The following CDC42EP2 variants were observed in gnomAD, a reference collection of about 807,000 sequenced individuals.
The protein encoded by CDC42EP2 is CDC42 effector protein 2.
Under a neutral mutation model 7.3 loss-of-function variants are expected in CDC42EP2, and 5 were observed. The observed-to-expected ratio is 0.68, with a 90% CI of 0.36 to 1.44. The LOEUF (loss-of-function observed/expected upper bound fraction) is 1.44. Ranked by LOEUF, CDC42EP2 falls within the 40% of genes most tolerant of loss-of-function variation. The pLI is 0.04. For missense variants in CDC42EP2, 251 were observed against 282.6 expected, an observed-to-expected ratio of 0.89 and a Z score of 0.80; for synonymous variants, 113 against 123.6, an observed-to-expected ratio of 0.91 and a Z score of 0.57.
Position 65,321,662 on chromosome 11 carries a change from T to A in CDC42EP2, c.*131T>A. On this transcript the variant is annotated 3_prime_UTR_variant, in exon 2 of 2. Transcript: ENST00000279249. The surrounding 1 kb of genome is among the most constrained non-coding windows in gnomAD (Gnocchi z 4.4). ...GGTCGCTGGCCAGTGATTCTCCTTC[T>A]GAGCCGTGTTTCCCCTCTCCCTCCC... The A allele has an allele frequency of 1.2e-6, 1 of 846,240 alleles. No individual in the cohort carries two copies. 52.4% of individuals were successfully genotyped at this position (846,240 alleles called of 1,614,324 possible).
In CDC42EP2 at chr11:65,320,524, G is replaced by A. The variant is rs1949968506; in HGVS notation, c.-355-20G>A. 4.4e-6 allele frequency: 1 copy of A among 225,978 alleles called. No homozygotes were observed. Among genetic ancestry groups the A allele is most frequent in the Non-Finnish European group, 8.9e-6 (1 of 112,716 alleles). The allele number at this position is 225,978 out of a possible 1,614,324, so 14.0% of individuals were successfully genotyped here. ...CTTGGTCCCGCTGTCTCTGACAGGT[G>A]TGCACCCTTTGTGTTTCAGCTCCTC... On this transcript the variant is annotated intron_variant, in intron 1 of 1. Transcript: ENST00000279249.
Position 65,321,229 on chromosome 11 carries a change from C to T in CDC42EP2, c.331C>T (p.Pro111Ser). ...SPLLKNAISL[P>S]VIGGPQALTL... Reference sequence around the variant, plus strand: ...TCTGCTCAAGAACGCCATCTCCCTCCCGGTTATCGGTGGACCCCAGGCTCT... The same window carrying T: ...TCTGCTCAAGAACGCCATCTCCCTCTCGGTTATCGGTGGACCCCAGGCTCT... The change falls in exon 2 of 2, where the codon CCG becomes TCG. Residue 111 changes from proline (P) to serine (S), a missense_variant. Pro to Ser is a moderately conservative substitution (Grantham distance 74). Coordinates refer to ENST00000279249, the MANE Select transcript of CDC42EP2 (RefSeq NM_006779.4). This position sits in a 1 kb window ranked among gnomAD's most constrained non-coding sequence, Gnocchi z 4.4. 6.2e-7 allele frequency: 1 copy of T among 1,613,986 alleles called. No individual in the cohort carries two copies. The highest frequency in any genetic ancestry group is 2.2e-5 in the East Asian group (1 of 44,874).
At chr11:65,320,238 G>A (rs1396645559) in intron 1 of CDC42EP2, among the ~76,000 whole-genome samples, 32 of 152,026 alleles carry the variant, frequency 2.1e-4, no homozygotes, top group Non-Finnish European at 1.5e-5. Context: ...AGGCCGAGGC[G>A]GGCGGATCAT....
At chr11:65,319,363 C>T (rs766266756) in intron 1 of CDC42EP2, among the ~76,000 whole-genome samples, 14 of 151,884 alleles carry the variant, frequency 9.2e-5, no homozygotes, top group South Asian at 2.1e-4. Context: ...CTCCTGACCT[C>T]GTGATCCACC....
At chr11:65,320,465 C>T in intron 1 of CDC42EP2, 79 bp from the exon 2 acceptor site, 1 of 165,748 alleles carries the variant, frequency 6.0e-6, no homozygotes. Flanking sequence ...AGTGAGACTC[C>T]ATCTTAAAAA....
Position 65,321,684 on chromosome 11 carries a change from T to C in CDC42EP2, c.*153T>C. 1.4e-6 allele frequency: 1 copy of C among 708,696 alleles called. No homozygotes were observed. The highest frequency in any genetic ancestry group is 1.9e-5 in the South Asian group (1 of 52,896). 43.9% of individuals were successfully genotyped at this position (708,696 alleles called of 1,614,324 possible). ...TTCTGAGCCGTGTTTCCCCTCTCCC[T>C]CCCTCTCCACGTGGGCAGGGCAGGC... On this transcript the variant is annotated 3_prime_UTR_variant, in exon 2 of 2. Transcript: ENST00000279249. This position sits in a 1 kb window ranked among gnomAD's most constrained non-coding sequence, Gnocchi z 4.4.
In CDC42EP2 at chr11:65,321,203, C is replaced by T; in HGVS notation, c.305C>T (p.Pro102Leu). Residue 102 changes from proline to leucine, a missense_variant, in exon 2 of 2, where the codon CCT becomes CTT. Physicochemically the swap from Pro to Leu is moderately conservative, Grantham distance 98. Coordinates refer to ENST00000279249, the MANE Select transcript of CDC42EP2 (RefSeq NM_006779.4). The surrounding 1 kb of genome is among the most constrained non-coding windows in gnomAD (Gnocchi z 4.4). Reference sequence around the variant, plus strand: ...CGGGAGCTCCCGGACGGCCCATCCCCTCTGCTCAAGAACGCCATCTCCCTC... The same window carrying T: ...CGGGAGCTCCCGGACGGCCCATCCCTTCTGCTCAAGAACGCCATCTCCCTC... ...CGRELPDGPS[P>L]LLKNAISLPV... 6.2e-7 allele frequency: 1 copy of T among 1,614,080 alleles called. No individual in the cohort carries two copies. The highest frequency in any genetic ancestry group is 1.1e-5 in the South Asian group (1 of 91,080).
Position 65,320,773 on chromosome 11 carries a change from G to T in CDC42EP2, c.-126G>T. 1 of 945,436 alleles carries T rather than the reference G, an allele frequency of 1.1e-6. No homozygotes were observed. Among genetic ancestry groups the T allele is most frequent in the South Asian group, 1.7e-5 (1 of 58,150 alleles). The allele number at this position is 945,436 out of a possible 1,614,324, so 58.6% of individuals were successfully genotyped here. A position where few individuals can be genotyped will look rare whatever the true frequency, so the allele number is the denominator to read the frequency against. ...CCCACACTGTAGCCAGAAGCCCGTTGGCGAGCTCTGGCACCTGCAAACCAC... is the reference window on the plus strand; with the variant it reads ...CCCACACTGTAGCCAGAAGCCCGTTTGCGAGCTCTGGCACCTGCAAACCAC... On this transcript the variant is annotated 5_prime_UTR_variant, in exon 2 of 2. Coordinates refer to ENST00000279249, the MANE Select transcript of CDC42EP2 (RefSeq NM_006779.4).
rs768625934 is a variant in CDC42EP2, at chr11:65,320,978, C to T, written c.80C>T (p.Ser27Leu). Residue 27 changes from serine to leucine, a missense_variant, in exon 2 of 2, where the codon TCG (serine) becomes TTG (leucine). Coordinates refer to ENST00000279249, the MANE Select transcript of CDC42EP2 (RefSeq NM_006779.4). The stretch of plus-strand genomic sequence containing the variant: ...GAGAAGCTTCGGGACCTGCTGTCCT[C>T]GGACATGATCAGCCCACCGCTGGGG... ...KKEKLRDLLSSDMISPPLGDF... is the reference protein window; with the variant it reads ...KKEKLRDLLSLDMISPPLGDF... The T allele has an allele frequency of 2.2e-5, 36 of 1,613,840 alleles. No individual in the cohort carries two copies. The highest frequency in any genetic ancestry group is 2.8e-5 in the Non-Finnish European group (33 of 1,179,980).
Position 65,321,594 on chromosome 11 carries a change from C to T in CDC42EP2, c.*63C>T, listed in dbSNP as rs933683510. ...CCAGCCAGGAGGTGGGGTGTGGACC[C>T]GGCCCTGGCGGCGGAGTCAGGGTCC... is the stretch of plus-strand genomic sequence containing the variant. On this transcript the variant is annotated 3_prime_UTR_variant, in exon 2 of 2. Coordinates refer to ENST00000279249, the MANE Select transcript of CDC42EP2 (RefSeq NM_006779.4). The surrounding 1 kb of genome is among the most constrained non-coding windows in gnomAD (Gnocchi z 4.4). The T allele has an allele frequency of 5.5e-6, 8 of 1,464,550 alleles. No individual in the cohort carries two copies. Among genetic ancestry groups the T allele is most frequent in the African/African-American group, 4.2e-5 (3 of 70,706 alleles). 90.7% of individuals were successfully genotyped at this position (1,464,550 alleles called of 1,614,324 possible). A position where few individuals can be genotyped will look rare whatever the true frequency, so the allele number is the denominator to read the frequency against.
intron 1 of CDC42EP2, among the ~76,000 whole-genome samples, chr11:65,318,566 G>C (rs1275777321): frequency 6.6e-6 from 1 of 152,052 alleles, no homozygotes; most frequent in Non-Finnish European, 1.5e-5. Flanking sequence ...TGGGACTACA[G>C]GCGCCAGCCA....
At chr11:65,319,562 C>G (rs1338634353) in intron 1 of CDC42EP2, among the ~76,000 whole-genome samples, 1 of 152,132 alleles carries the variant, frequency 6.6e-6, no homozygotes, top group Non-Finnish European at 1.5e-5. Flanking sequence ...TATGTACTCC[C>G]CACTCCACCT....
Position 65,321,929 on chromosome 11 carries a change from C to A in CDC42EP2, c.*398C>A, listed in dbSNP as rs1053257911. On this transcript the variant is annotated 3_prime_UTR_variant, in exon 2 of 2. Coordinates refer to ENST00000279249, the MANE Select transcript of CDC42EP2 (RefSeq NM_006779.4). This position sits in a 1 kb window ranked among gnomAD's most constrained non-coding sequence, Gnocchi z 4.4. ...GGGGAAGAGACAGGGCACAGCTGGC[C>A]ACAGGGCTCAGCCACTGAGCAGGCT... 4.9e-6 allele frequency: 1 copy of A among 205,632 alleles called. No homozygotes were observed. The highest frequency in any genetic ancestry group is 1.2e-4 in the South Asian group (1 of 8,474). The allele number at this position is 205,632 out of a possible 1,614,324, so 12.7% of individuals were successfully genotyped here. A position where few individuals can be genotyped will look rare whatever the true frequency, so the allele number is the denominator to read the frequency against.
intron 1 of CDC42EP2, among the ~76,000 whole-genome samples, chr11:65,316,253 T>G (rs1398663018): frequency 2.0e-5 from 3 of 152,034 alleles, no homozygotes; most frequent in African/African-American, 7.2e-5. Flanking sequence ...CGGAAGTCAT[T>G]TTCTCATTGG....
rs2137651870 is a variant in CDC42EP2, at chr11:65,315,567, C to A, written c.-356+613C>A. 6.6e-6 allele frequency among the ~76,000 whole-genome samples: 1 copy of A among 152,344 alleles called. No homozygotes were observed. On this transcript the variant is annotated intron_variant, in intron 1 of 1. Transcript: ENST00000279249. This position sits in a 1 kb window ranked among gnomAD's most constrained non-coding sequence, Gnocchi z 4.1. ...CAGGGTCCCCAATCGCCCCCTTTTT[C>A]CCCGATTGTGGGACCAGAAACCCCG...
rs1052125200 is a variant in CDC42EP2, at chr11:65,315,703, C to A, written c.-356+749C>A. ...GGCGCTGGAGACCCCGGTGCGCTCT[C>A]GGAGTCCTCCGGGACACGAGGCGAT... On this transcript the variant is annotated intron_variant, in intron 1 of 1. Coordinates refer to ENST00000279249, the MANE Select transcript of CDC42EP2 (RefSeq NM_006779.4). This position sits in a 1 kb window ranked among gnomAD's most constrained non-coding sequence, Gnocchi z 4.1. 6.6e-6 allele frequency among the ~76,000 whole-genome samples: 1 copy of A among 152,232 alleles called. No individual in the cohort carries two copies. Among genetic ancestry groups the A allele is most frequent in the African/African-American group, 2.4e-5 (1 of 41,468 alleles).
Position 65,321,553 on chromosome 11 carries a change from G to T in CDC42EP2, c.*22G>T. ...ATAGGACACGAGGCTGCCTAGGCTG[G>T]GGTCCCAGGTGGGGCCCAGCCAGGA... On this transcript the variant is annotated 3_prime_UTR_variant, in exon 2 of 2. Transcript: ENST00000279249. This position sits in a 1 kb window ranked among gnomAD's most constrained non-coding sequence, Gnocchi z 4.4. 1 of 1,571,644 alleles carries T rather than the reference G, an allele frequency of 6.4e-7. No individual in the cohort carries two copies. Among genetic ancestry groups the T allele is most frequent in the Non-Finnish European group, 8.7e-7 (1 of 1,153,976 alleles).
At chr11:65,316,715 C>G (rs1590920557) in intron 1 of CDC42EP2, among the ~76,000 whole-genome samples, 2 of 152,314 alleles carry the variant, frequency 1.3e-5, no homozygotes, top group East Asian at 3.9e-4. Flanking sequence ...GCGTGGCAAG[C>G]TGGATCCTAG....
rs1386939565 is a variant in CDC42EP2 at position 65,315,023 on chromosome 11, G to C, written c.-356+69G>C. 6.6e-6 allele frequency: 1 copy of C among 151,966 alleles called. No individual in the cohort carries two copies. The highest frequency in any genetic ancestry group is 1.5e-5 in the Non-Finnish European group (1 of 68,074). 9.4% of individuals were successfully genotyped at this position (151,966 alleles called of 1,614,324 possible). On this transcript the variant is annotated intron_variant, in intron 1 of 1. Coordinates refer to ENST00000279249, the MANE Select transcript of CDC42EP2 (RefSeq NM_006779.4). The surrounding 1 kb of genome is among the most constrained non-coding windows in gnomAD (Gnocchi z 4.1). Reference sequence around the variant, plus strand: ...GAGAGGCCCATCTCTGTGGCGCCCCGCCCCAGCTCGCGCCCTGGCTCTGCC... The same window carrying C: ...GAGAGGCCCATCTCTGTGGCGCCCCCCCCCAGCTCGCGCCCTGGCTCTGCC...
Sources: gnomAD v4.1 joint callset for allele counts (sites outside exome capture counted in the v4.1 genomes callset) on GRCh38, gnomAD v4.1.1 for gene constraint, Gnocchi (gnomAD v3.1) non-coding constraint, MANE v1.5 for transcripts, NCBI Gene and HGNC (gene_info 2026-07-23, HGNC 2026-07-21) for gene names.